CDKAL1: variants seen among roughly 807,000 people sequenced by gnomAD.
CDKAL1 encodes the protein CDKAL1 threonylcarbamoyladenosine tRNA methylthiotransferase, also known as threonylcarbamoyladenosine tRNA methylthiotransferase.
Under a neutral mutation model 68.2 loss-of-function variants are expected in CDKAL1, and 32 were observed. The ratio of observed to expected loss-of-function variants is 0.47; its 90% CI spans 0.35 to 0.63. The LOEUF (loss-of-function observed/expected upper bound fraction) is 0.63. Among genes scored for constraint, CDKAL1 ranks in the 30% least tolerant of loss-of-function variants. CDKAL1 has a pLI of 0.00. For synonymous variants in CDKAL1, 234 were observed against 244.3 expected (o/e 0.96, Z 0.39); for missense variants, 606 against 696.7 (o/e 0.87, Z 1.47).
In CDKAL1 at chr6:20,602,363, A is replaced by G. The variant is rs112080368; in HGVS notation, c.287-46930A>G. On this transcript the variant is annotated intron_variant, in intron 4 of 15. Transcript: ENST00000274695. ...AGTTTTTTCCCTCTTTTTCTAAGAA[A>G]ATTTTTCTTTTCATTATAATATGAA... Among the ~76,000 whole-genome samples, 310 of 152,144 alleles carry G rather than the reference A, an allele frequency of 2.0e-3. 1 individual carries two copies. The highest frequency in any genetic ancestry group is 6.8e-3 in the African/African-American group (283 of 41,518).
intron 12 of CDKAL1, among the ~76,000 whole-genome samples, chr6:21,088,635 A>G (rs1327566352): frequency 6.6e-6 from 1 of 152,150 alleles, no homozygotes; most frequent in Non-Finnish European, 1.5e-5. Flanking sequence ...GTATTTTTCT[A>G]CAAGTCTTTA....
intron 9 of CDKAL1, among the ~76,000 whole-genome samples, chr6:20,940,011 C>G (rs1352331882): frequency 6.6e-6 from 1 of 152,088 alleles, no homozygotes; most frequent in Non-Finnish European, 1.5e-5. Flanking sequence ...GAATTAAGGA[C>G]TCAAAACTTT....
intron 9 of CDKAL1, among the ~76,000 whole-genome samples, chr6:20,908,262 G>T (rs1012707653): frequency 1.3e-5 from 2 of 152,242 alleles, no homozygotes; most frequent in African/African-American, 4.8e-5. Flanking sequence ...TTTTTCACTA[G>T]AAGGTAAATG....
intron 11 of CDKAL1, among the ~76,000 whole-genome samples, chr6:21,032,353 C>A (rs1769339632): frequency 6.6e-6 from 1 of 152,138 alleles, no homozygotes. Flanking sequence ...GGATTACAGA[C>A]ATGACTCACT....
At chr6:20,769,257 CTTTT>C (rs371966986) in intron 7 of CDKAL1, among the ~76,000 whole-genome samples, 2 of 114,982 alleles carry the variant, frequency 1.7e-5, no homozygotes, top group East Asian at 5.2e-4. Context: ...TTGTGATCAT[CTTTT>C]TTTTTTTTTT....
At chr6:21,159,961 C>G (rs1269914679) in intron 13 of CDKAL1, among the ~76,000 whole-genome samples, 6 of 152,152 alleles carry the variant, frequency 3.9e-5, no homozygotes. Flanking sequence ...TGCAATGAGG[C>G]CTGATTATTT....
At chr6:21,036,895 G>A (rs1286755615) in intron 11 of CDKAL1, among the ~76,000 whole-genome samples, 2 of 152,180 alleles carry the variant, frequency 1.3e-5, no homozygotes, top group African/African-American at 2.4e-5. Flanking sequence ...CTGACTGTTG[G>A]TGTTGGTCCT....
intron 13 of CDKAL1, among the ~76,000 whole-genome samples, chr6:21,118,899 A>G (rs6456397): frequency 0.26 from 38,855 of 152,220 alleles, 5,080 homozygotes; most frequent in South Asian, 0.38. Context: ...AAGTATAACA[A>G]TAATCCAGCT....
chr6:20,654,092 A>C (rs1768906937), intron 5 of CDKAL1, among the ~76,000 whole-genome samples: 1 of 151,616 alleles, frequency 6.6e-6, no homozygotes, highest in Non-Finnish European at 1.5e-5. Context: ...TGTGTTGGCC[A>C]GGCTGATCTC....
At chr6:21,201,679 C>T (rs1002632109) in intron 15 of CDKAL1, among the ~76,000 whole-genome samples, 1 of 152,166 alleles carries the variant, frequency 6.6e-6, no homozygotes, top group Admixed American at 6.5e-5. Context: ...GCTGAACAGG[C>T]ACTAAACCAT....
At chr6:21,134,085 C>G (rs1259159616) in intron 13 of CDKAL1, among the ~76,000 whole-genome samples, 2 of 152,186 alleles carry the variant, frequency 1.3e-5, no homozygotes, top group Admixed American at 6.5e-5. Flanking sequence ...TGGCCGTGCT[C>G]TTTTGTGCTG....
intron 11 of CDKAL1, among the ~76,000 whole-genome samples, chr6:21,007,133 G>A (rs763761143): frequency 2.0e-5 from 3 of 151,992 alleles, no homozygotes; most frequent in Non-Finnish European, 2.9e-5. Context: ...GTCAGGGTTC[G>A]GAATGGTTAG....
At chr6:20,941,744 A>G (rs1763983041) in intron 9 of CDKAL1, among the ~76,000 whole-genome samples, 1 of 152,190 alleles carries the variant, frequency 6.6e-6, no homozygotes, top group South Asian at 2.1e-4. Context: ...CTGGGTACAA[A>G]TTGGAGAGCC....
chr6:20,793,803 T>A (rs1776001615), intron 8 of CDKAL1, among the ~76,000 whole-genome samples: 3 of 144,326 alleles, frequency 2.1e-5, no homozygotes, highest in East Asian at 3.9e-4. Flanking sequence ...AGATATATAT[T>A]ATATATATAT....
At chr6:20,613,454 T>C (rs1368993613) in intron 4 of CDKAL1, among the ~76,000 whole-genome samples, 1 of 150,778 alleles carries the variant, frequency 6.6e-6, no homozygotes, top group Admixed American at 6.6e-5. Context: ...TTTGTATTTT[T>C]AGTAGAGACA....
intron 13 of CDKAL1, among the ~76,000 whole-genome samples, chr6:21,116,714 A>AG (rs1340458432): frequency 2.0e-5 from 3 of 152,206 alleles, no homozygotes; most frequent in Non-Finnish European, 4.4e-5. Flanking sequence ...TATCAGTAAT[A>AG]GGGAAAAGGC....
chr6:21,220,718 C>T (rs1397310696), intron 15 of CDKAL1, among the ~76,000 whole-genome samples: 1 of 152,162 alleles, frequency 6.6e-6, no homozygotes, highest in East Asian at 1.9e-4. Flanking sequence ...TGAAGGTATT[C>T]AGATAGAAGC....
chr6:21,082,300 G>A (rs1772448495), intron 12 of CDKAL1, among the ~76,000 whole-genome samples: 1 of 152,154 alleles, frequency 6.6e-6, no homozygotes, highest in South Asian at 2.1e-4. Context: ...CCATTGTTTG[G>A]ATGTTAATAT....
chr6:20,681,592 A>G (rs1364655002), intron 5 of CDKAL1, among the ~76,000 whole-genome samples: 1 of 152,090 alleles, frequency 6.6e-6, no homozygotes, highest in Admixed American at 6.5e-5. Flanking sequence ...CTTGGGTGAC[A>G]TAACTGGACT....
Sources: gnomAD v4.1 joint callset for allele counts (sites outside exome capture counted in the v4.1 genomes callset) on GRCh38, gnomAD v4.1.1 for gene constraint, MANE v1.5 for transcripts, NCBI Gene and HGNC (gene_info 2026-07-23, HGNC 2026-07-21) for gene names.